Variants in PKHD1 observed in about 807,000 individuals in gnomAD.
The protein encoded by PKHD1 is PKHD1 ciliary IPT domain containing fibrocystin/polyductin.
Under a neutral mutation model 412.0 loss-of-function variants are expected in PKHD1, and 291 were observed. The observed-to-expected ratio is 0.71, with a 90% CI of 0.64 to 0.78. The LOEUF (loss-of-function observed/expected upper bound fraction) is 0.78. PKHD1 is among the 30% of genes least tolerant of loss of function. The probability of loss-of-function intolerance (pLI) is 0.00; values close to 1 mark genes in which losing one functional copy is unlikely to be tolerated. For missense variants in PKHD1, 4,825 were observed against 4,950.7 expected (o/e 0.97, Z 0.76); for synonymous variants, 1,777 against 1,821.5 (o/e 0.98, Z 0.62).
intron 7 of PKHD1, 141 bp from the exon 8 acceptor site, chr6:52,072,330 G>T (rs1217713413): frequency 2.9e-6 from 2 of 694,240 alleles, no homozygotes; most frequent in Non-Finnish European, 5.2e-6. Flanking sequence ...GGTGGCTGAA[G>T]GCGGATGTCA....
At position 51,896,178 on chromosome 6, in the gene PKHD1, G is replaced by GGCCT. The variant is rs1299868143; in HGVS notation, c.6996+7415_6996+7418dup. Among the ~76,000 whole-genome samples, 355 of 152,240 alleles carry GGCCT rather than the reference G, an allele frequency of 2.3e-3. 3 individuals carry two copies. The highest frequency in any genetic ancestry group is 8.2e-3 in the African/African-American group (342 of 41,522). On this transcript the variant is annotated intron_variant, in intron 43 of 66. Transcript: ENST00000371117. ...GGTGGAGCCCACCACAGCTCAAGGA[G>GGCCT]GCCTGCCTGCCTCTGTAGGCTCCAC...
Position 52,056,738 on chromosome 6 carries a change from G to A in PKHD1, c.1653C>T (p.Pro551=). The A allele has an allele frequency of 1.9e-6, 3 of 1,613,844 alleles. No individual in the cohort carries two copies. The highest frequency in any genetic ancestry group is 1.7e-6 in the Non-Finnish European group (2 of 1,179,832). ...GCCGGAGAAGGATGTTAGACCAAAGGGGTTCCAGTTTGCATTTTACTGCAA... is the reference window on the plus strand; with the variant it reads ...GCCGGAGAAGGATGTTAGACCAAAGAGGTTCCAGTTTGCATTTTACTGCAA... ...ELLAVKCKLE[P]LWSNILLRLG... is the part of the protein sequence containing the mutation. The change falls in exon 18 of 67, where the codon CCC becomes CCT. Residue 551 remains proline, a synonymous_variant. Coordinates refer to ENST00000371117, the MANE Select transcript of PKHD1 (RefSeq NM_138694.4).
Position 51,909,483 on chromosome 6 carries a change from C to G in PKHD1, c.6491-9G>C, listed in dbSNP as rs1323078955. On this transcript the variant is annotated splice_polypyrimidine_tract_variant and intron_variant, in intron 39 of 66. Coordinates refer to ENST00000371117, the MANE Select transcript of PKHD1 (RefSeq NM_138694.4). ...ACAGTGCTGCAGATTACCTGAAATG[C>G]AAAATAAAGTCCAGAGAACCTAAAG... 2 of 1,608,996 alleles carry G rather than the reference C, an allele frequency of 1.2e-6. No individual in the cohort carries two copies. The highest frequency in any genetic ancestry group is 1.7e-6 in the Non-Finnish European group (2 of 1,175,596).
intron 60 of PKHD1, among the ~76,000 whole-genome samples, chr6:51,671,938 C>G (rs1475071225): frequency 6.6e-5 from 10 of 152,164 alleles, no homozygotes. Flanking sequence ...GGGAGAACCA[C>G]TGCTCTCTTC....
intron 60 of PKHD1, among the ~76,000 whole-genome samples, chr6:51,686,255 G>A (rs1398473444): frequency 6.6e-6 from 1 of 151,980 alleles, no homozygotes; most frequent in Non-Finnish European, 1.5e-5. Context: ...GATTAGACTT[G>A]GTAATCTTTA....
rs1033659021 is a variant in PKHD1, at chr6:52,000,737, A to C, written c.5751+9572T>G. Among the ~76,000 whole-genome samples, 33 of 152,214 alleles carry C rather than the reference A, an allele frequency of 2.2e-4. 1 individual carries two copies. Among genetic ancestry groups the C allele is most frequent in the African/African-American group, 7.7e-4 (32 of 41,462 alleles). ...GTAATAATTACTCAGTGATATTATAATAAATTTAAACACATTGTAAAGAAA... is the reference window on the plus strand; with the variant it reads ...GTAATAATTACTCAGTGATATTATACTAAATTTAAACACATTGTAAAGAAA... On this transcript the variant is annotated intron_variant, in intron 35 of 66. Transcript: ENST00000371117.
At chr6:51,664,914 A>C (rs976505577) in intron 60 of PKHD1, among the ~76,000 whole-genome samples, 2 of 152,126 alleles carry the variant, frequency 1.3e-5, no homozygotes, top group African/African-American at 2.4e-5. Context: ...AAAGTTAATA[A>C]TTAGTATCTT....
chr6:51,960,648 G>T (rs556841551), intron 35 of PKHD1, among the ~76,000 whole-genome samples: 1 of 152,204 alleles, frequency 6.6e-6, no homozygotes, highest in South Asian at 2.1e-4. Flanking sequence ...CCTGTGCCTG[G>T]TGCATCAGGG....
chr6:51,978,541 C>T (rs1794745865), intron 35 of PKHD1, among the ~76,000 whole-genome samples: 1 of 152,046 alleles, frequency 6.6e-6, no homozygotes, highest in Admixed American at 6.5e-5. Context: ...TAAAAGGGGC[C>T]ATAAAGTCAA....
intron 36 of PKHD1, among the ~76,000 whole-genome samples, chr6:51,946,686 A>C (rs558124064): frequency 6.6e-6 from 1 of 152,350 alleles, no homozygotes; most frequent in African/African-American, 2.4e-5. Flanking sequence ...ACTATGTCCC[A>C]CAAGTAACCT....
intron 60 of PKHD1, among the ~76,000 whole-genome samples, chr6:51,679,264 T>C (rs1776294999): frequency 6.6e-6 from 1 of 152,070 alleles, no homozygotes; most frequent in Admixed American, 6.6e-5. Context: ...ATAAATGAAT[T>C]TGACAGCAAA....
At chr6:51,859,004 C>A (rs1425933114) in intron 48 of PKHD1, among the ~76,000 whole-genome samples, 1 of 152,182 alleles carries the variant, frequency 6.6e-6, no homozygotes, top group East Asian at 1.9e-4. Flanking sequence ...CTCCTAGGCA[C>A]ACACAAGCAA....
chr6:51,750,545 C>T (rs1342445599), intron 57 of PKHD1, among the ~76,000 whole-genome samples: 2 of 151,668 alleles, frequency 1.3e-5, no homozygotes, highest in Non-Finnish European at 2.9e-5. Flanking sequence ...GGGCATGCAG[C>T]TCCCATTCCC....
intron 52 of PKHD1, among the ~76,000 whole-genome samples, chr6:51,795,489 T>C (rs535421077): frequency 6.6e-6 from 1 of 152,330 alleles, no homozygotes; most frequent in African/African-American, 2.4e-5. Context: ...ATAGTTTGAC[T>C]TCCTCTCCTC....
chr6:51,881,123 A>G (rs17450457), intron 46 of PKHD1, among the ~76,000 whole-genome samples: 3,619 of 146,944 alleles, frequency 0.025, 159 homozygotes, highest in African/African-American at 0.083. Flanking sequence ...ACCTGGCAAC[A>G]TAGTGGTTCC....
At chr6:52,017,695 C>G (rs1488629194) in intron 33 of PKHD1, 66 bp from the exon 34 acceptor site, 1 of 1,217,252 alleles carries the variant, frequency 8.2e-7, no homozygotes, top group Non-Finnish European at 1.2e-6. Context: ...GTCGGTTTCA[C>G]AAATGAAGTT....
chr6:51,927,004 G>C (rs940120200), intron 37 of PKHD1, among the ~76,000 whole-genome samples: 1 of 152,060 alleles, frequency 6.6e-6, no homozygotes, highest in East Asian at 1.9e-4. Context: ...GTGTAATTAC[G>C]ATCTGCCACA....
intron 35 of PKHD1, among the ~76,000 whole-genome samples, chr6:51,972,907 A>G (rs139226694): frequency 2.0e-3 from 301 of 152,366 alleles, no homozygotes; most frequent in African/African-American, 7.0e-3. Flanking sequence ...AAGAGGAAAT[A>G]GATCCAGAGA....
chr6:51,662,597 A>G (rs909445953), intron 60 of PKHD1, among the ~76,000 whole-genome samples: 8 of 152,010 alleles, frequency 5.3e-5, no homozygotes, highest in African/African-American at 1.9e-4. Flanking sequence ...GCAGAAATCA[A>G]TGAAGTAGAA....
Sources: allele counts gnomAD v4.1 joint callset (sites outside exome capture counted in the v4.1 genomes callset), GRCh38; gene constraint gnomAD v4.1.1; transcripts MANE v1.5; gene names NCBI Gene and HGNC (gene_info 2026-07-23, HGNC 2026-07-21).